ZNF544: variants seen among roughly 807,000 people sequenced by gnomAD.
ZNF544 encodes the protein zinc finger protein AF020591.
A neutral mutation model predicts 13.5 loss-of-function variants in ZNF544; 10 were observed. That is an observed-to-expected ratio of 0.74 (90% CI 0.46 to 1.25). ZNF544 has a LOEUF of 1.25. Ranked by LOEUF, ZNF544 falls within the 50% of genes most tolerant of loss-of-function variation. The probability of loss-of-function intolerance (pLI) is 0.00; values close to 1 mark genes in which losing one functional copy is unlikely to be tolerated. For synonymous variants in ZNF544, 323 were observed against 300.5 expected, an observed-to-expected ratio of 1.07 and a Z score of -0.77; for missense variants, 896 against 845.6, an observed-to-expected ratio of 1.06 and a Z score of -0.74.
chr19:58,246,916 T>C, intron 6 of ZNF544, 122 bp downstream of exon 6: 1 of 816,456 alleles, frequency 1.2e-6, no homozygotes, highest in South Asian at 1.7e-5. Flanking sequence ...GGGTGCTCTT[T>C]GCAGCAGTTC....
intron 3 of ZNF544, among the ~76,000 whole-genome samples, chr19:58,233,422 C>A (rs546643744): frequency 2.2e-4 from 34 of 151,948 alleles, no homozygotes; most frequent in African/African-American, 6.8e-4. Context: ...GGACCAGACA[C>A]CATAGCATAG....
At chr19:58,260,074 A>G (rs1886863641) in intron 6 of ZNF544, among the ~76,000 whole-genome samples, 1 of 152,170 alleles carries the variant, frequency 6.6e-6, no homozygotes, top group Non-Finnish European at 1.5e-5. Flanking sequence ...CGGTCTGTTC[A>G]ACAGAGCAAG....
Position 58,261,800 on chromosome 19 carries a change from T to C in ZNF544, c.1194T>C (p.His398=), listed in dbSNP as rs1712429342. Residue 398 remains histidine, a synonymous_variant, in exon 7 of 7, where the codon CAT becomes CAC. Transcript: ENST00000687789. ...GCCAGAGCTATGACCTTGTCATACA[T>C]CAGAGGACACACACTGGAGAGAAGC... ...SFSQSYDLVI[H]QRTHTGEKPY... is the part of the protein sequence containing the mutation. 6.2e-7 allele frequency: 1 copy of C among 1,613,850 alleles called. No homozygotes were observed. Among genetic ancestry groups the C allele is most frequent in the South Asian group, 1.1e-5 (1 of 91,066 alleles).
chr19:58,266,212 C>CA (rs760851818), downstream of ZNF544, among the ~76,000 whole-genome samples: 2,520 of 45,608 alleles, frequency 0.055, 167 homozygotes, highest in Admixed American at 0.11. Context: ...GACTCTGTCT[C>CA]AAAAAAAAAA....
At chr19:58,238,648 G>A (rs1014482371) in intron 3 of ZNF544, among the ~76,000 whole-genome samples, 6 of 152,096 alleles carry the variant, frequency 3.9e-5, no homozygotes, top group Non-Finnish European at 8.8e-5. Flanking sequence ...GTACAGAGTG[G>A]GTGTGGGTTT....
intron 6 of ZNF544, among the ~76,000 whole-genome samples, chr19:58,252,306 A>T (rs2046413681): frequency 6.6e-6 from 1 of 152,220 alleles, no homozygotes; most frequent in Non-Finnish European, 1.5e-5. Flanking sequence ...AATCCTTTTC[A>T]CGACTTACAC....
downstream of ZNF544, among the ~76,000 whole-genome samples, chr19:58,265,953 C>G (rs998215635): frequency 1.3e-5 from 2 of 151,770 alleles, no homozygotes; most frequent in Non-Finnish European, 2.9e-5. Flanking sequence ...GCCTGTAATC[C>G]CAGCACTTTG....
chr19:58,255,992 G>A (rs1031431305), intron 6 of ZNF544, among the ~76,000 whole-genome samples: 9 of 152,206 alleles, frequency 5.9e-5, no homozygotes, highest in Admixed American at 2.6e-4. Context: ...TCCTTCACCC[G>A]AACTGGGTGG....
At position 58,263,166 on chromosome 19, in the gene ZNF544, A is replaced by G. The variant is rs771114919; in HGVS notation, c.*412A>G. ...AGCTCATGGGCAAGAAACTCTATGA[A>G]TAACCAAGATGGAGCCGGGTGCAGT... On this transcript the variant is annotated 3_prime_UTR_variant, in exon 7 of 7. Coordinates refer to ENST00000687789, the MANE Select transcript of ZNF544 (RefSeq NM_014480.4). 20 of 998,678 alleles carry G rather than the reference A, an allele frequency of 2.0e-5. No individual in the cohort carries two copies. The highest frequency in any genetic ancestry group is 2.4e-5 in the Non-Finnish European group (20 of 837,292). 61.9% of individuals were successfully genotyped at this position (998,678 alleles called of 1,614,324 possible). A position where few individuals can be genotyped will look rare whatever the true frequency, so the allele number is the denominator to read the frequency against.
At chr19:58,241,176 T>TTTTA (rs2043638126) in intron 3 of ZNF544, among the ~76,000 whole-genome samples, 26 of 92,528 alleles carry the variant, frequency 2.8e-4, no homozygotes, top group African/African-American at 6.1e-4. Flanking sequence ...TATATATATA[T>TTTTA]ATATTTTTTT....
At chr19:58,238,552 C>G (rs2042905157) in intron 3 of ZNF544, among the ~76,000 whole-genome samples, 1 of 152,122 alleles carries the variant, frequency 6.6e-6, no homozygotes, top group Non-Finnish European at 1.5e-5. Flanking sequence ...AGGACTTCCC[C>G]TCTCACTGCT....
intron 3 of ZNF544, among the ~76,000 whole-genome samples, chr19:58,236,390 C>T (rs369723176): frequency 1.6e-4 from 23 of 147,300 alleles, no homozygotes; most frequent in South Asian, 1.3e-3. Context: ...CCCAGCTACT[C>T]GGAGGCTGAG....
intron 5 of ZNF544, among the ~76,000 whole-genome samples, chr19:58,269,501 C>T (rs576834101): frequency 3.5e-4 from 49 of 139,274 alleles, no homozygotes; most frequent in African/African-American, 1.3e-3. Context: ...ATCCCAGCTA[C>T]TTGGGAGGCT....
chr19:58,233,506 AATTTG>A (rs2041788707), intron 3 of ZNF544, among the ~76,000 whole-genome samples: 1 of 152,240 alleles, frequency 6.6e-6, no homozygotes, highest in African/African-American at 2.4e-5. Flanking sequence ...CATGTCTTAG[AATTTG>A]ATCAGGAAGA....
chr19:58,252,480 T>C (rs1568483177), intron 6 of ZNF544, among the ~76,000 whole-genome samples: 2 of 152,196 alleles, frequency 1.3e-5, no homozygotes, highest in Admixed American at 1.3e-4. Flanking sequence ...TTCATATACA[T>C]AACTTTCTTC....
chr19:58,276,084 GC>G (rs1476148360), intron 5 of ZNF544, among the ~76,000 whole-genome samples: 1 of 152,166 alleles, frequency 6.6e-6, no homozygotes, highest in African/African-American at 2.4e-5. Context: ...GGCTAAGGAT[GC>G]AGGATCACTT....
At chr19:58,267,967 C>T (rs971707747), downstream of ZNF544, among the ~76,000 whole-genome samples, 29 of 149,790 alleles carry the variant, frequency 1.9e-4, no homozygotes, top group Non-Finnish European at 2.7e-4. Context: ...AGCAACAGAG[C>T]GAGACTGCGT....
chr19:58,269,450 A>C (rs942480708), intron 5 of ZNF544, among the ~76,000 whole-genome samples: 3 of 34,818 alleles, frequency 8.6e-5, no homozygotes, highest in African/African-American at 2.4e-4. Context: ...AAAAACAAAC[A>C]AAAAAAATGT....
downstream of ZNF544, among the ~76,000 whole-genome samples, chr19:58,265,139 G>A (rs2049697971): frequency 6.6e-6 from 1 of 152,084 alleles, no homozygotes; most frequent in South Asian, 2.1e-4. Context: ...ACTTATCAGG[G>A]GATGTGAAAA....
Sources: allele counts gnomAD v4.1 joint callset (sites outside exome capture counted in the v4.1 genomes callset), GRCh38; gene constraint gnomAD v4.1.1; transcripts MANE v1.5; gene names NCBI Gene and HGNC (gene_info 2026-07-23, HGNC 2026-07-21).